Variants in EIF3H observed in about 807,000 individuals in gnomAD.
EIF3H encodes the protein eukaryotic translation initiation factor 3 subunit H, also known as eIF-3-gamma.
A neutral mutation model predicts 44.2 loss-of-function variants in EIF3H; 26 were observed. The observed-to-expected ratio is 0.59, with a 90% CI of 0.43 to 0.82. The LOEUF is 0.82. Among genes scored for constraint, EIF3H ranks in the 40% least tolerant of loss-of-function variants. The pLI, the probability that EIF3H is intolerant of heterozygous loss-of-function variation, is 0.00. For missense variants in EIF3H, 359 were observed against 432.8 expected, an observed-to-expected ratio of 0.83 and a Z score of 1.51; for synonymous variants, 166 against 151.9, an observed-to-expected ratio of 1.09 and a Z score of -0.68.
At position 116,708,298 on chromosome 8, in the gene EIF3H, CATTATT is replaced by C. The variant is rs922860831; in HGVS notation, c.289+17712_289+17717del. Among the ~76,000 whole-genome samples the C allele has an allele frequency of 5.5e-4, 83 of 151,752 alleles. 1 individual carries two copies. The highest frequency in any genetic ancestry group is 1.9e-3 in the African/African-American group (78 of 41,438). On this transcript the variant is annotated intron_variant, in intron 2 of 7. Transcript: ENST00000521861. ...ATTGTAAATTTTCAAAATGTCACCT[CATTATT>C]ATTATTATTATTTATTATTACTATG... is the stretch of plus-strand genomic sequence containing the variant.
intron 1 of EIF3H, among the ~76,000 whole-genome samples, chr8:116,746,796 T>C (rs999505002): frequency 6.6e-6 from 1 of 152,200 alleles, no homozygotes; most frequent in African/African-American, 2.4e-5. Context: ...TCAGACTGCA[T>C]AACGAATTTA....
Position 116,680,202 on chromosome 8 carries a change from G to GGT in EIF3H, c.290-21223_290-21222insAC, listed in dbSNP as rs1554599287. ...CAGCCGCCCCTTCCGGGAGGGTGGG[G>GGT]GGGGGGGTCAGCCCCCCGCCCGGCC... is the stretch of plus-strand genomic sequence containing the variant. On this transcript the variant is annotated intron_variant, in intron 2 of 7. Coordinates refer to ENST00000521861, the MANE Select transcript of EIF3H (RefSeq NM_003756.3). 5.5e-5 allele frequency among the ~76,000 whole-genome samples: 3 copies of GGT among 54,150 alleles called. No individual in the cohort carries two copies. In the East Asian group the frequency reaches 1.3e-3, roughly 24 times the overall value. 35.5% of individuals were successfully genotyped at this position (54,150 alleles called of 152,430 possible).
At chr8:116,677,530 T>A (rs746710040) in intron 2 of EIF3H, among the ~76,000 whole-genome samples, 9 of 152,234 alleles carry the variant, frequency 5.9e-5, no homozygotes, top group Admixed American at 2.6e-4. Flanking sequence ...ATGGTCACAG[T>A]TAAATGCCAT....
At chr8:116,679,056 C>T (rs1353691633) in intron 2 of EIF3H, among the ~76,000 whole-genome samples, 1 of 61,050 alleles carries the variant, frequency 1.6e-5, no homozygotes, top group Non-Finnish European at 4.9e-5. Flanking sequence ...TCTGCCCGGC[C>T]GCCCCTACTG....
intron 2 of EIF3H, among the ~76,000 whole-genome samples, chr8:116,701,985 G>GAC: frequency 6.6e-6 from 1 of 151,924 alleles, no homozygotes; most frequent in South Asian, 2.1e-4. Context: ...TGCAAGTTCT[G>GAC]TAAATCTAAA....
intron 1 of EIF3H, among the ~76,000 whole-genome samples, chr8:116,765,161 A>G (rs1815557910): frequency 6.6e-6 from 1 of 152,190 alleles, no homozygotes; most frequent in Non-Finnish European, 1.5e-5. Flanking sequence ...ATACAGGGAT[A>G]AAAAGAGGAT....
intron 6 of EIF3H, among the ~76,000 whole-genome samples, chr8:116,647,701 G>C (rs1290960359): frequency 6.6e-6 from 1 of 152,160 alleles, no homozygotes; most frequent in Non-Finnish European, 1.5e-5. Context: ...GGATTCCTAA[G>C]AAAATCAAGG....
In EIF3H at chr8:116,705,491, A is replaced by ACC. The variant is rs1227970298; in HGVS notation, c.289+20523_289+20524dup. 2.1e-3 allele frequency among the ~76,000 whole-genome samples: 267 copies of ACC among 126,384 alleles called. 2 individuals carry two copies. Among genetic ancestry groups the ACC allele is most frequent in the Admixed American group, 4.7e-3 (57 of 12,186 alleles). The allele number at this position is 126,384 out of a possible 152,430, so 82.9% of individuals were successfully genotyped here. On this transcript the variant is annotated intron_variant, in intron 2 of 7. Transcript: ENST00000521861. ...TGATGCCATGTGGGTAACATGTTAC[A>ACC]CCCCCCCCCACCACCAACACCCCAG...
intron 2 of EIF3H, among the ~76,000 whole-genome samples, chr8:116,673,328 A>T (rs958717807): frequency 6.6e-6 from 1 of 152,218 alleles, no homozygotes; most frequent in African/African-American, 2.4e-5. Context: ...TAATATTTCA[A>T]TTACGGGGAT....
At chr8:116,687,751 G>A (rs1814100630) in intron 2 of EIF3H, among the ~76,000 whole-genome samples, 1 of 152,098 alleles carries the variant, frequency 6.6e-6, no homozygotes, top group African/African-American at 2.4e-5. Flanking sequence ...GGGTTGCTAA[G>A]TTATTTGTGT....
At chr8:116,741,362 C>G (rs1184458601) in intron 1 of EIF3H, among the ~76,000 whole-genome samples, 8 of 152,182 alleles carry the variant, frequency 5.3e-5, no homozygotes, top group African/African-American at 1.9e-4. Flanking sequence ...CATACTATCT[C>G]TCATAACAAC....
intron 2 of EIF3H, among the ~76,000 whole-genome samples, chr8:116,695,033 T>C (rs927056831): frequency 6.7e-6 from 1 of 150,026 alleles, no homozygotes; most frequent in East Asian, 1.9e-4. Context: ...CAAAATGATG[T>C]AGTGCAAAAA....
intron 2 of EIF3H, among the ~76,000 whole-genome samples, chr8:116,684,490 A>G (rs893638628): frequency 6.6e-6 from 1 of 152,186 alleles, no homozygotes. Flanking sequence ...CCTTGCAGCT[A>G]TTCTATTCCT....
intron 2 of EIF3H, among the ~76,000 whole-genome samples, chr8:116,722,615 A>G (rs1229244847): frequency 1.3e-5 from 2 of 152,136 alleles, no homozygotes; most frequent in African/African-American, 4.8e-5. Context: ...AATTTCACAC[A>G]AATAGCAGCA....
intron 1 of EIF3H, among the ~76,000 whole-genome samples, chr8:116,732,495 A>G (rs927238294): frequency 7.9e-5 from 12 of 152,190 alleles, no homozygotes; most frequent in African/African-American, 2.9e-4. Flanking sequence ...ATGACAGGGA[A>G]CAGTTCAAAT....
intron 2 of EIF3H, among the ~76,000 whole-genome samples, chr8:116,705,311 G>C (rs74349640): frequency 6.6e-6 from 1 of 152,150 alleles, no homozygotes; most frequent in East Asian, 1.9e-4. Context: ...AGCTGTTCAA[G>C]TTGTTTTATC....
At chr8:116,706,965 G>A (rs150590860) in intron 2 of EIF3H, among the ~76,000 whole-genome samples, 2 of 152,176 alleles carry the variant, frequency 1.3e-5, no homozygotes, top group Non-Finnish European at 2.9e-5. Flanking sequence ...TAGGTTAGGT[G>A]TATTAAATGC....
upstream of EIF3H, chr8:116,755,956 TTTCC>T (rs929825290): frequency 6.5e-7 from 1 of 1,536,550 alleles, no homozygotes; most frequent in Non-Finnish European, 8.7e-7. Flanking sequence ...TTTTACCTTC[TTTCC>T]AGGCGGTATC....
At position 116,684,537 on chromosome 8, in the gene EIF3H, AACT is replaced by A. The variant is rs796109920; in HGVS notation, c.290-25560_290-25558del. ...GAAACAAGATGATGCATTTCTCCTT[AACT>A]ACTACTGCTATTTTTTTTTTAAAGC... On this transcript the variant is annotated intron_variant, in intron 2 of 7. Coordinates refer to ENST00000521861, the MANE Select transcript of EIF3H (RefSeq NM_003756.3). Among the ~76,000 whole-genome samples the A allele has an allele frequency of 8.5e-5, 13 of 152,264 alleles. No homozygotes were observed. The South Asian group carries it at 2.7e-3, about 32-fold the overall frequency.
Sources: gnomAD v4.1 joint callset for allele counts (sites outside exome capture counted in the v4.1 genomes callset) on GRCh38, gnomAD v4.1.1 for gene constraint, MANE v1.5 for transcripts, NCBI Gene and HGNC (gene_info 2026-07-23, HGNC 2026-07-21) for gene names.